The following STAG1 variants were observed in gnomAD, a reference collection of about 807,000 sequenced individuals.
STAG1 encodes cohesin subunit SA-1.
In STAG1, 26 loss-of-function variants were observed where a neutral mutation model predicts 170.9. The ratio of observed to expected loss-of-function variants is 0.15; its 90% CI spans 0.11 to 0.21. The LOEUF is 0.21. Ranked by LOEUF, STAG1 falls within the 10% of genes least tolerant of loss-of-function variation. The pLI is 1.00. For missense variants in STAG1, 964 were observed against 1,509.5 expected (o/e 0.64, Z 5.99); for synonymous variants, 514 against 497.7 (o/e 1.03, Z -0.44).
chr3:136,534,221 C>G (rs554800965), intron 6 of STAG1, among the ~76,000 whole-genome samples: 1 of 152,236 alleles, frequency 6.6e-6, no homozygotes, highest in South Asian at 2.1e-4. Flanking sequence ...AAGAATGAAT[C>G]TGAACCCCTA....
chr3:136,619,001 T>TA (rs1415780698), intron 3 of STAG1, among the ~76,000 whole-genome samples: 5 of 152,030 alleles, frequency 3.3e-5, no homozygotes, highest in Non-Finnish European at 1.5e-5. Flanking sequence ...GCATATGTCA[T>TA]AAAAAATCCA....
intron 1 of STAG1, among the ~76,000 whole-genome samples, chr3:136,733,013 G>C (rs553693469): frequency 6.6e-6 from 1 of 151,438 alleles, no homozygotes; most frequent in African/African-American, 2.4e-5. Context: ...CTTAGATTAC[G>C]ATATGTCTTT....
At chr3:136,432,750 C>T (rs779094404) in intron 16 of STAG1, among the ~76,000 whole-genome samples, 1 of 152,234 alleles carries the variant, frequency 6.6e-6, no homozygotes, top group East Asian at 1.9e-4. Context: ...CAAGTAATCC[C>T]CCACCTAGGC....
At chr3:136,447,232 C>T (rs1339921765) in intron 14 of STAG1, among the ~76,000 whole-genome samples, 1 of 151,854 alleles carries the variant, frequency 6.6e-6, no homozygotes, top group Admixed American at 6.6e-5. Context: ...CGCCTGTAAT[C>T]CCAGCACTTT....
intron 5 of STAG1, among the ~76,000 whole-genome samples, chr3:136,546,736 T>A (rs986974006): frequency 1.2e-4 from 18 of 152,324 alleles, no homozygotes; most frequent in Admixed American, 1.1e-3. Flanking sequence ...TGTATACAAA[T>A]CCATAAATTA....
intron 1 of STAG1, among the ~76,000 whole-genome samples, chr3:136,683,511 G>T (rs997432082): frequency 1.3e-5 from 2 of 152,060 alleles, no homozygotes; most frequent in Non-Finnish European, 2.9e-5. Context: ...TGATCCACCA[G>T]CCTCGGCCTC....
intron 2 of STAG1, among the ~76,000 whole-genome samples, chr3:136,627,621 T>TA (rs1940164761): frequency 6.6e-6 from 1 of 152,202 alleles, no homozygotes; most frequent in South Asian, 2.1e-4. Flanking sequence ...AAATAAATCT[T>TA]ACTACATAAT....
chr3:136,369,313 TA>T, intron 23 of STAG1, 31 bp from the exon 24 acceptor site: 1 of 1,528,880 alleles, frequency 6.5e-7, no homozygotes, highest in Non-Finnish European at 8.8e-7. Context: ...ATCAGCAAAA[TA>T]TTACACAAAT....
intron 1 of STAG1, among the ~76,000 whole-genome samples, chr3:136,709,817 C>G (rs1943335387): frequency 6.6e-6 from 1 of 150,708 alleles, no homozygotes; most frequent in Admixed American, 6.6e-5. Flanking sequence ...TGTGGATCAC[C>G]TGAAGTCAAG....
Position 136,597,179 on chromosome 3 carries a change from C to G in STAG1, c.297+7130G>C, listed in dbSNP as rs559061957. Among the ~76,000 whole-genome samples, 6 of 151,636 alleles carry G rather than the reference C, an allele frequency of 4.0e-5. No individual in the cohort carries two copies. In the East Asian group the frequency reaches 9.7e-4, roughly 24 times the overall value. On this transcript the variant is annotated intron_variant, in intron 4 of 33. Transcript: ENST00000383202. Reference sequence around the variant, plus strand: ...TATTTTTTTGTTAGTATAAACAAAGCAATGAAAAAAATATTCATTCCTATA... The same window carrying G: ...TATTTTTTTGTTAGTATAAACAAAGGAATGAAAAAAATATTCATTCCTATA...
At chr3:136,354,613 A>G (rs1936559819) in intron 28 of STAG1, among the ~76,000 whole-genome samples, 1 of 151,898 alleles carries the variant, frequency 6.6e-6, no homozygotes, top group South Asian at 2.1e-4. Context: ...GTAAATTTTG[A>G]TAAGATGTAT....
chr3:136,447,448 A>T (rs1268297241), intron 14 of STAG1, among the ~76,000 whole-genome samples: 2 of 151,968 alleles, frequency 1.3e-5, no homozygotes, highest in African/African-American at 4.8e-5. Flanking sequence ...CAGTCTGGCA[A>T]CAGACCGAGA....
intron 15 of STAG1, among the ~76,000 whole-genome samples, chr3:136,443,063 G>T (rs557571466): frequency 6.6e-6 from 1 of 152,090 alleles, no homozygotes; most frequent in African/African-American, 2.4e-5. Flanking sequence ...TACATGACAC[G>T]CATGGATTTT....
chr3:136,398,903 GATA>G (rs1180439999), intron 21 of STAG1, 74 bp from the exon 22 acceptor site: 6 of 823,164 alleles, frequency 7.3e-6, no homozygotes, highest in South Asian at 2.5e-5. Context: ...ACCGTGCTAA[GATA>G]ATATTTATCA....
intron 15 of STAG1, among the ~76,000 whole-genome samples, chr3:136,438,966 G>C (rs934131680): frequency 2.0e-5 from 3 of 151,534 alleles, no homozygotes; most frequent in Non-Finnish European, 1.5e-5. Flanking sequence ...GGAGGCCAAG[G>C]CAGGCGGATC....
chr3:136,615,961 G>A (rs1006955167), intron 3 of STAG1, among the ~76,000 whole-genome samples: 2 of 151,930 alleles, frequency 1.3e-5, no homozygotes, highest in African/African-American at 4.8e-5. Flanking sequence ...AAGACACAGT[G>A]AGCTTATAAA....
At chr3:136,597,423 T>C (rs1938479355) in intron 4 of STAG1, among the ~76,000 whole-genome samples, 1 of 152,212 alleles carries the variant, frequency 6.6e-6, no homozygotes, top group Non-Finnish European at 1.5e-5. Flanking sequence ...AGATCTGTAC[T>C]CCCACTAGTT....
At chr3:136,453,387 T>TGA (rs940697190) in intron 13 of STAG1, among the ~76,000 whole-genome samples, 1 of 151,978 alleles carries the variant, frequency 6.6e-6, no homozygotes, top group Non-Finnish European at 1.5e-5. Context: ...GTCAGGAGAT[T>TGA]GAGACCATCC....
chr3:136,478,735 G>C (rs1463332640), intron 9 of STAG1, among the ~76,000 whole-genome samples: 2 of 152,198 alleles, frequency 1.3e-5, no homozygotes, highest in South Asian at 2.1e-4. Flanking sequence ...CTCTTTCCAA[G>C]CCATACTGCC....
Sources: gnomAD v4.1 joint callset for allele counts (sites outside exome capture counted in the v4.1 genomes callset) on GRCh38, gnomAD v4.1.1 for gene constraint, MANE v1.5 for transcripts, NCBI Gene and HGNC (gene_info 2026-07-23, HGNC 2026-07-21) for gene names.